The following PCDHGB3 variants were observed in gnomAD, a reference collection of about 807,000 sequenced individuals.
PCDHGB3 encodes protocadherin gamma-B3.
Under a neutral mutation model 59.2 loss-of-function variants are expected in PCDHGB3, and 40 were observed. The ratio of observed to expected loss-of-function variants is 0.68; its 90% CI spans 0.52 to 0.88. The LOEUF (loss-of-function observed/expected upper bound fraction) is 0.88, where lower values mean the gene tolerates loss of function less well. Ranked by LOEUF, PCDHGB3 falls within the 40% of genes least tolerant of loss-of-function variation. PCDHGB3 has a pLI of 0.00. For synonymous variants in PCDHGB3, 581 were observed against 503.6 expected (o/e 1.15, Z -2.06); for missense variants, 1,309 against 1,187.9 (o/e 1.10, Z -1.50).
intron 1 of PCDHGB3, chr5:141,375,374 C>T: frequency 2.5e-6 from 4 of 1,613,952 alleles, no homozygotes; most frequent in Non-Finnish European, 3.4e-6. Flanking sequence ...AGGAACACCA[C>T]CTCTGTCTAC....
At chr5:141,447,642 T>G (rs1275164919) in intron 1 of PCDHGB3, among the ~76,000 whole-genome samples, 2 of 152,166 alleles carry the variant, frequency 1.3e-5, no homozygotes, top group Non-Finnish European at 2.9e-5. Flanking sequence ...TGAATGATGG[T>G]AGAATTTTCC....
intron 1 of PCDHGB3, chr5:141,427,043 G>A: frequency 2.2e-6 from 1 of 457,348 alleles, no homozygotes; most frequent in Non-Finnish European, 4.4e-6. Context: ...GAGAGAATGT[G>A]CCCCCAGGCA....
intron 1 of PCDHGB3, among the ~76,000 whole-genome samples, chr5:141,464,301 T>A (rs1237581605): frequency 6.6e-6 from 1 of 150,782 alleles, no homozygotes; most frequent in Non-Finnish European, 1.5e-5. Flanking sequence ...CTCCATTGTA[T>A]GTGCACATAT....
chr5:141,432,335 C>T lies in PCDHGB3; in HGVS notation c.2415+59526C>T, dbSNP rs146691720. On this transcript the variant is annotated intron_variant, in intron 1 of 3. Coordinates refer to ENST00000576222, the MANE Select transcript of PCDHGB3 (RefSeq NM_018924.5). This position sits in a 1 kb window ranked among gnomAD's most constrained non-coding sequence, Gnocchi z 6.0. ...GAGCTCCTTCGACTACGAGCAGTTC[C>T]GAGACTTGCAAGTGAAAGTGATGGC... 2.6e-5 allele frequency: 42 copies of T among 1,614,126 alleles called. No individual in the cohort carries two copies. Among genetic ancestry groups the T allele is most frequent in the African/African-American group, 1.2e-4 (9 of 74,940 alleles).
In PCDHGB3 at chr5:141,408,560, A is replaced by G. The variant is rs368143982; in HGVS notation, c.2415+35751A>G. The G allele has an allele frequency of 6.3e-5, 102 of 1,613,910 alleles. No homozygotes were observed. Among genetic ancestry groups the G allele is most frequent in the Non-Finnish European group, 8.4e-5 (99 of 1,179,898 alleles). On this transcript the variant is annotated intron_variant, in intron 1 of 3. Coordinates refer to ENST00000576222, the MANE Select transcript of PCDHGB3 (RefSeq NM_018924.5). ...AAATCCTTTAAATATTTTTCATGTC[A>G]TTGTGGTGATTGAGGATGTTAATGA... is the stretch of plus-strand genomic sequence containing the variant.
rs1343054904 is a variant in PCDHGB3, at chr5:141,372,308, C to T, written c.1914C>T (p.Ala638=). The change falls in exon 1 of 4, where the codon GCC becomes GCT. Residue 638 remains alanine (A), a synonymous_variant. Transcript: ENST00000576222. ...GTACCTTGGGCGACAGGGAGGCCGC[C>T]CGCCAGCGCCTGCTGGTCACTGTGC... The part of the protein sequence containing the change: ...TARTLGDREA[A]RQRLLVTVRD... 2 of 1,613,474 alleles carry T rather than the reference C, an allele frequency of 1.2e-6. No individual in the cohort carries two copies. Among genetic ancestry groups the T allele is most frequent in the South Asian group, 2.2e-5 (2 of 91,090 alleles).
At chr5:141,503,814 T>C (rs539980053) in intron 2 of PCDHGB3, among the ~76,000 whole-genome samples, 2 of 152,100 alleles carry the variant, frequency 1.3e-5, no homozygotes, top group East Asian at 3.9e-4. Flanking sequence ...GAATCCCAGA[T>C]TGGGCAAAAC....
Position 141,375,504 on chromosome 5 carries a change from T to A in PCDHGB3, c.2415+2695T>A. The A allele has an allele frequency of 2.5e-6, 4 of 1,614,004 alleles. No homozygotes were observed. The South Asian group carries it at 4.4e-5, about 18-fold the overall frequency. ...CCCAGGGGTGCCTCCATCTTCTCTG[T>A]GAATGCACTGGACCCTGACGTGGAC... On this transcript the variant is annotated intron_variant, in intron 1 of 3. Coordinates refer to ENST00000576222, the MANE Select transcript of PCDHGB3 (RefSeq NM_018924.5).
chr5:141,413,024 C>G, intron 1 of PCDHGB3: 1 of 736,254 alleles, frequency 1.4e-6, no homozygotes, highest in Non-Finnish European at 2.1e-6. Context: ...ACAAGCCCCA[C>G]AAACCGGCTG....
chr5:141,383,626 T>C (rs747491955), intron 1 of PCDHGB3: 1 of 1,613,896 alleles, frequency 6.2e-7, no homozygotes, highest in Non-Finnish European at 8.5e-7. Context: ...GCCTGTCTTC[T>C]CTCTGCCTCA....
chr5:141,479,572 T>G (rs956648090), intron 1 of PCDHGB3: 2 of 152,190 alleles, frequency 1.3e-5, no homozygotes, highest in African/African-American at 2.4e-5. Context: ...TGGGATGACA[T>G]CTGTGAATAG....
intron 1 of PCDHGB3, chr5:141,400,189 CT>C (rs770137840): frequency 5.6e-6 from 9 of 1,614,056 alleles, no homozygotes; most frequent in Non-Finnish European, 7.6e-6. Context: ...GCAGTTTTAC[CT>C]AGTGGTGGCC....
In PCDHGB3 at chr5:141,485,472, C is replaced by T. The variant is rs1185020546; in HGVS notation, c.2416-9335C>T. On this transcript the variant is annotated intron_variant, in intron 1 of 3. Transcript: ENST00000576222. This position sits in a 1 kb window ranked among gnomAD's most constrained non-coding sequence, Gnocchi z 5.7. The stretch of plus-strand genomic sequence containing the variant: ...CGAGAGGCACTGTGTGGGCTCAGTG[C>T]CAGCTGCATCGTGCCCCTGGAGTTT... The T allele has an allele frequency of 3.1e-6, 5 of 1,614,138 alleles. No individual in the cohort carries two copies. In the South Asian group the frequency reaches 5.5e-5, roughly 18 times the overall value.
At chr5:141,419,757 G>C in intron 1 of PCDHGB3, 1 of 1,613,994 alleles carries the variant, frequency 6.2e-7, no homozygotes, top group Non-Finnish European at 8.5e-7. Flanking sequence ...CGTGCTTTGG[G>C]TGACAAGGAC....
chr5:141,392,641 C>G (rs541777624), intron 1 of PCDHGB3: 2 of 655,502 alleles, frequency 3.1e-6, no homozygotes, highest in Non-Finnish European at 2.5e-6. Context: ...TCACACCTCA[C>G]GAAGACCCGC....
chr5:141,397,975 G>T, intron 1 of PCDHGB3: 4 of 1,189,018 alleles, frequency 3.4e-6, no homozygotes, highest in Non-Finnish European at 4.6e-6. Flanking sequence ...CCCCAGCGCC[G>T]GCCTTTACAC....
chr5:141,374,711 C>G (rs1770761999), intron 1 of PCDHGB3: 7 of 1,609,366 alleles, frequency 4.3e-6, no homozygotes, highest in Non-Finnish European at 5.1e-6. Flanking sequence ...CGTTTACCGC[C>G]TGGTCCTTAC....
intron 1 of PCDHGB3, chr5:141,413,232 G>A (rs374674787): frequency 1.1e-4 from 170 of 1,613,834 alleles, no homozygotes; most frequent in Non-Finnish European, 1.4e-4. Context: ...GGCTGGTCCT[G>A]CTCTGCCTTT....
chr5:141,470,969 A>T (rs62379203), intron 1 of PCDHGB3, among the ~76,000 whole-genome samples: 1 of 151,298 alleles, frequency 6.6e-6, no homozygotes, highest in Non-Finnish European at 1.5e-5. Flanking sequence ...CTCCCACCTC[A>T]GCCTCCCAAA....
Sources: gnomAD v4.1 joint callset for allele counts (sites outside exome capture counted in the v4.1 genomes callset) on GRCh38, gnomAD v4.1.1 for gene constraint, Gnocchi (gnomAD v3.1) non-coding constraint, MANE v1.5 for transcripts, NCBI Gene and HGNC (gene_info 2026-07-23, HGNC 2026-07-21) for gene names.